Variants in CIMAP1B observed in about 807,000 individuals in gnomAD.
CIMAP1B encodes orf2 5' to PD-ECGF/TP.
At chr22:50,530,602 C>T in the CIMAP1B span, 2 of 1,565,540 alleles carry the variant, frequency 1.3e-6, no homozygotes, top group Non-Finnish European at 8.7e-7. Flanking sequence ...GGGCCGGCAT[C>T]CTCTCCGCGC....
the CIMAP1B span, chr22:50,531,646 G>T: frequency 2.9e-6 from 4 of 1,381,118 alleles, no homozygotes; most frequent in African/African-American, 1.5e-5. Context: ...CGTCGGTGCC[G>T]CGCACGGTCA....
chr22:50,530,645 C>T, the CIMAP1B span: 1 of 1,586,342 alleles, frequency 6.3e-7, no homozygotes, highest in Non-Finnish European at 8.6e-7. Flanking sequence ...ACTCTGATCC[C>T]ATCACTCCGA....
the CIMAP1B span, chr22:50,532,007 C>A: frequency 7.4e-7 from 1 of 1,359,752 alleles, no homozygotes; most frequent in South Asian, 1.8e-5. Flanking sequence ...CCCGGGGCCT[C>A]CGTAGTGCGC....
chr22:50,530,916 C>T, the CIMAP1B span: 1 of 1,609,612 alleles, frequency 6.2e-7, no homozygotes, highest in Non-Finnish European at 8.5e-7. Flanking sequence ...CCCCCTGCGT[C>T]CGCCCCGGCC....
At chr22:50,531,112 TGGTCCCAGCTCCCGGAGGGC>T in the CIMAP1B span, 525 of 1,586,716 alleles carry the variant, frequency 3.3e-4, 1 homozygote, top group Middle Eastern at 3.3e-4. Context: ...AGGCGCAGGG[TGGTCCCAGCTCCCGGAGGGC>T]GGTCCCCGGT....
chr22:50,532,127 G>A, the CIMAP1B span: 1 of 1,332,914 alleles, frequency 7.5e-7, no homozygotes, highest in Non-Finnish European at 9.7e-7. Context: ...GACAGAAGGC[G>A]GTGGCCGCGG....
the CIMAP1B span, chr22:50,531,522 C>G: frequency 7.2e-7 from 1 of 1,390,372 alleles, no homozygotes; most frequent in Non-Finnish European, 9.3e-7. Context: ...GTGGGCCTCC[C>G]TGGAGGCAGT....
At chr22:50,532,339 G>C in the CIMAP1B span, 1 of 380,202 alleles carries the variant, frequency 2.6e-6, no homozygotes, top group Non-Finnish European at 4.6e-6. Flanking sequence ...GTGAACTCGC[G>C]GGGGCCAAGT....
the CIMAP1B span, chr22:50,531,221 A>G: frequency 6.2e-7 from 1 of 1,612,810 alleles, no homozygotes; most frequent in African/African-American, 1.3e-5. Flanking sequence ...TGGACACCCC[A>G]GTTTCGGGGA....
At chr22:50,532,246 G>A in the CIMAP1B span, 4 of 992,398 alleles carry the variant, frequency 4.0e-6, no homozygotes, top group Non-Finnish European at 5.2e-6. Flanking sequence ...ACAAACGCGA[G>A]CTTCCTTCCC....
At chr22:50,532,296 A>G in the CIMAP1B span, 56 of 564,374 alleles carry the variant, frequency 9.9e-5, no homozygotes, top group African/African-American at 1.0e-3. Context: ...ATCCAGGGCC[A>G]TCACCCGGAC....
chr22:50,530,773 C>G, the CIMAP1B span: 3 of 1,609,034 alleles, frequency 1.9e-6, no homozygotes, highest in Non-Finnish European at 2.5e-6. Context: ...GAGCGAAGTC[C>G]GCGCCAGAAT....
At chr22:50,531,430 T>C in the CIMAP1B span, 1 of 1,083,824 alleles carries the variant, frequency 9.2e-7, no homozygotes, top group Non-Finnish European at 1.3e-6. Flanking sequence ...GGTTTGGGAT[T>C]TGAGATCCGG....
At chr22:50,530,469 C>T in the CIMAP1B span, 4 of 1,588,410 alleles carry the variant, frequency 2.5e-6, no homozygotes, top group Middle Eastern at 1.7e-4. Context: ...GGGCCGCTCC[C>T]GCCTGGCGGG....
At chr22:50,531,591 G>A in the CIMAP1B span, 1 of 1,406,752 alleles carries the variant, frequency 7.1e-7, no homozygotes, top group Non-Finnish European at 9.2e-7. Context: ...GTGAGGAAGG[G>A]CGCTGAGCGG....
chr22:50,531,319 G>A, the CIMAP1B span: 2 of 1,579,948 alleles, frequency 1.3e-6, no homozygotes, highest in Admixed American at 3.7e-5. Flanking sequence ...CAAGGGTGTG[G>A]GGGGCTAGAA....
chr22:50,530,666 T>C, the CIMAP1B span: 10 of 1,600,876 alleles, frequency 6.2e-6, no homozygotes, highest in Non-Finnish European at 8.5e-6. Flanking sequence ...CCTCAGGCCC[T>C]CCCCACTCTC....
the CIMAP1B span, chr22:50,531,864 T>A: frequency 7.6e-7 from 1 of 1,315,290 alleles, no homozygotes; most frequent in South Asian, 2.3e-5. Flanking sequence ...CCCTCTCCCC[T>A]CTAGCAGGCA....
At chr22:50,530,516 G>A in the CIMAP1B span, 2 of 1,601,430 alleles carry the variant, frequency 1.2e-6, no homozygotes, top group Non-Finnish European at 1.7e-6. Context: ...GGGCCAGGTA[G>A]TCCGAGTGCC....
Sources: allele counts gnomAD v4.1 joint callset, GRCh38; gene constraint gnomAD v4.1.1; transcripts MANE v1.5; gene names NCBI Gene and HGNC (gene_info 2026-07-23, HGNC 2026-07-21).